The following ABR variants were observed in gnomAD, a reference collection of about 807,000 sequenced individuals.
ABR encodes active breakpoint cluster region-related protein.
In ABR, 35 loss-of-function variants were observed where a neutral mutation model predicts 107.2. That is an observed-to-expected ratio of 0.33 (90% CI 0.25 to 0.43). The LOEUF is 0.43. ABR is among the 20% of genes least tolerant of loss of function. ABR has a pLI of 1.00. For missense variants in ABR, 815 were observed against 1,115.2 expected, an observed-to-expected ratio of 0.73 and a Z score of 3.83; for synonymous variants, 498 against 462.0, an observed-to-expected ratio of 1.08 and a Z score of -1.00.
intron 2 of ABR, among the ~76,000 whole-genome samples, chr17:1,106,423 G>GCACACA (rs35089600): frequency 6.6e-6 from 1 of 150,678 alleles, no homozygotes; most frequent in Non-Finnish European, 1.5e-5. Flanking sequence ...CCCTTGGCCT[G>GCACACA]CACACACACA....
chr17:1,052,029 G>GCAC (rs2032601908), intron 14 of ABR, among the ~76,000 whole-genome samples: 1 of 151,340 alleles, frequency 6.6e-6, no homozygotes. Flanking sequence ...AGCTGAGATG[G>GCAC]CACCACTGCA....
intron 18 of ABR, 21 bp downstream of exon 18, chr17:1,012,667 G>T: frequency 6.4e-7 from 1 of 1,550,598 alleles, no homozygotes; most frequent in Admixed American, 1.9e-5. Flanking sequence ...CCAGGACTGG[G>T]AGACCCGAGG....
Position 1,179,922 on chromosome 17 carries a change from G to T in ABR, c.-195C>A, listed in dbSNP as rs979274088. 1 of 357,136 alleles carries T rather than the reference G, an allele frequency of 2.8e-6. No individual in the cohort carries two copies. The allele number at this position is 357,136 out of a possible 1,614,324, so 22.1% of individuals were successfully genotyped here. ...GGGCGGGAGCCCCCAAAACCCTCCC[G>T]AACCCTCCCGGCCCCAGCGGCCGCG... On this transcript the variant is annotated 5_prime_UTR_variant, in exon 1 of 23. Transcript: ENST00000302538. The surrounding 1 kb of genome is among the most constrained non-coding windows in gnomAD (Gnocchi z 4.9).
intron 21 of ABR, among the ~76,000 whole-genome samples, chr17:1,009,184 TCCCCACTGCTGTCCATTC>T (rs986543554): frequency 4.2e-4 from 27 of 63,950 alleles, no homozygotes; most frequent in Admixed American, 1.2e-3. Flanking sequence ...CTGCTGTCCA[TCCCCACTGCTGTCCATTC>T]CCCCACTGCT....
intron 16 of ABR, among the ~76,000 whole-genome samples, chr17:1,043,500 T>C (rs886634316): frequency 5.3e-5 from 8 of 152,174 alleles, no homozygotes; most frequent in African/African-American, 1.7e-4. Flanking sequence ...AACTTTATGT[T>C]ATGTATATTT....
chr17:1,215,904 G>A (rs1229561000), intron 1 of ABR, among the ~76,000 whole-genome samples: 1 of 82,074 alleles, frequency 1.2e-5, no homozygotes, highest in Non-Finnish European at 2.5e-5. Context: ...TGAAACATGT[G>A]CTGTGTCCAC....
At chr17:1,178,797 G>T (rs2042008706) in intron 1 of ABR, among the ~76,000 whole-genome samples, 1 of 151,594 alleles carries the variant, frequency 6.6e-6, no homozygotes, top group Non-Finnish European at 1.5e-5. Flanking sequence ...GGTGTCTCAG[G>T]GAAGGGTGGG....
At chr17:1,161,712 A>G (rs1043262889) in intron 1 of ABR, among the ~76,000 whole-genome samples, 2 of 151,884 alleles carry the variant, frequency 1.3e-5, no homozygotes, top group Non-Finnish European at 2.9e-5. Flanking sequence ...GTACCACCAC[A>G]CCCAGCTAAT....
intron 1 of ABR, among the ~76,000 whole-genome samples, chr17:1,217,634 T>A (rs578209247): frequency 1.3e-5 from 2 of 152,340 alleles, no homozygotes; most frequent in South Asian, 4.2e-4. Flanking sequence ...ACATAGCAGT[T>A]AAGTGGCAGA....
chr17:1,099,129 AC>A (rs1265582397), intron 3 of ABR, among the ~76,000 whole-genome samples: 2 of 150,384 alleles, frequency 1.3e-5, no homozygotes, highest in African/African-American at 4.9e-5. Flanking sequence ...AGTCTGGAGT[AC>A]AGTGGCGCAC....
At chr17:1,195,049 T>C (rs1474061075) in intron 1 of ABR, among the ~76,000 whole-genome samples, 13 of 145,064 alleles carry the variant, frequency 9.0e-5, no homozygotes, top group Non-Finnish European at 1.8e-4. Flanking sequence ...GGCTCACGCC[T>C]GTAATCCCAG....
At chr17:1,112,535 T>C (rs1481355028) in intron 2 of ABR, among the ~76,000 whole-genome samples, 1 of 150,716 alleles carries the variant, frequency 6.6e-6, no homozygotes, top group Non-Finnish European at 1.5e-5. Flanking sequence ...AGTTGGAGGC[T>C]GCAATGAGCT....
intron 1 of ABR, among the ~76,000 whole-genome samples, chr17:1,193,491 T>C (rs1486605257): frequency 2.6e-5 from 4 of 152,136 alleles, no homozygotes; most frequent in Non-Finnish European, 5.9e-5. Flanking sequence ...TGCTAGTGAG[T>C]GACAGAGCCA....
intron 16 of ABR, among the ~76,000 whole-genome samples, chr17:1,041,377 G>C (rs1037307939): frequency 1.3e-5 from 2 of 152,208 alleles, no homozygotes; most frequent in Admixed American, 1.3e-4. Context: ...GGCTCTTCCA[G>C]GTATGTGAGA....
intron 1 of ABR, among the ~76,000 whole-genome samples, chr17:1,166,099 C>G (rs2041496784): frequency 6.7e-6 from 1 of 149,196 alleles, no homozygotes; most frequent in Admixed American, 6.6e-5. Context: ...CCAGCGTGGT[C>G]CCACCTCTGC....
At chr17:1,135,377 C>CTTTTTTTTTTTTTTTT (rs71148437) in intron 1 of ABR, among the ~76,000 whole-genome samples, 1 of 51,382 alleles carries the variant, frequency 1.9e-5, no homozygotes, top group African/African-American at 4.3e-5. Context: ...TTCTTTTTGT[C>CTTTTTTTTTTTTTTTT]TTTTTTTTTT....
At chr17:1,085,888 TGTAATCCCA>T (rs1415898246) in intron 4 of ABR, among the ~76,000 whole-genome samples, 1 of 152,194 alleles carries the variant, frequency 6.6e-6, no homozygotes, top group African/African-American at 2.4e-5. Context: ...GGCTCACAAC[TGTAATCCCA>T]GCACTTTGGG....
At chr17:1,142,345 G>T (rs568300499) in intron 1 of ABR, among the ~76,000 whole-genome samples, 58 of 152,144 alleles carry the variant, frequency 3.8e-4, no homozygotes, top group African/African-American at 1.3e-3. Flanking sequence ...AGCACTTTGG[G>T]AGGCCGAGGC....
chr17:1,037,118 CCCAT>C lies in ABR; in HGVS notation c.1791+12928_1791+12931del. On this transcript the variant is annotated intron_variant, in intron 16 of 22. Transcript: ENST00000302538. The surrounding 1 kb of genome is among the most constrained non-coding windows in gnomAD (Gnocchi z 4.6). Reference sequence around the variant, plus strand: ...ATCCATCCATCCATCCACCCACCCACCCATCCATCCAGGTGGGGCTGGGAGAGGG... The same window carrying C: ...ATCCATCCATCCATCCACCCACCCACCCATCCAGGTGGGGCTGGGAGAGGG... Among the ~76,000 whole-genome samples the C allele has an allele frequency of 6.6e-6, 1 of 151,514 alleles. No homozygotes were observed. The highest frequency in any genetic ancestry group is 3.4e-3 in the Middle Eastern group (1 of 292).
Sources: allele counts gnomAD v4.1 joint callset (sites outside exome capture counted in the v4.1 genomes callset), GRCh38; gene constraint gnomAD v4.1.1; non-coding constraint Gnocchi (gnomAD v3.1); transcripts MANE v1.5; gene names NCBI Gene and HGNC (gene_info 2026-07-23, HGNC 2026-07-21).